Variants in XCR1 observed in about 807,000 individuals in gnomAD.
The protein encoded by XCR1 is chemokine XC receptor 1.
For synonymous variants in XCR1, 187 were observed against 188.5 expected, an observed-to-expected ratio of 0.99 and a Z score of 0.06; for missense variants, 356 against 424.2, an observed-to-expected ratio of 0.84 and a Z score of 1.41.
chr3:46,062,833 G>C (rs1195622496), intron 4 of XCR1, among the ~76,000 whole-genome samples: 1 of 152,248 alleles, frequency 6.6e-6, no homozygotes, highest in Non-Finnish European at 1.5e-5. Flanking sequence ...GCCTATCTCT[G>C]GGCTGGGGTG....
chr3:46,077,458 G>A (rs1698281928), intron 1 of XCR1, among the ~76,000 whole-genome samples: 1 of 151,554 alleles, frequency 6.6e-6, no homozygotes, highest in African/African-American at 2.4e-5. Flanking sequence ...ACAAGCTCAG[G>A]GCTCTTACTG....
At chr3:46,075,308 C>CAAAAAAAAAAAAAAAAAAAAAAAAAA (rs56787185) in intron 2 of XCR1, among the ~76,000 whole-genome samples, 9 of 61,672 alleles carry the variant, frequency 1.5e-4, no homozygotes, top group East Asian at 4.3e-4. Context: ...GCTCATAGAC[C>CAAAAAAAAAAAAAAAAAAAAAAAAAA]AAAAAAAAAA....
chr3:46,045,264 CA>C (rs144378534), intron 5 of XCR1, among the ~76,000 whole-genome samples: 2 of 149,858 alleles, frequency 1.3e-5, no homozygotes, highest in East Asian at 1.9e-4. Context: ...ACCAAAAATA[CA>C]AAAAAAAATT....
upstream of XCR1, chr3:46,027,620 G>A (rs1708323021): frequency 6.6e-6 from 1 of 152,202 alleles, no homozygotes; most frequent in African/African-American, 2.4e-5. Context: ...AGGCAGTTAG[G>A]GTGGATCCTT....
intron 1 of XCR1, among the ~76,000 whole-genome samples, chr3:46,082,214 A>T (rs1698380471): frequency 6.6e-6 from 1 of 152,150 alleles, no homozygotes; most frequent in South Asian, 2.1e-4. Context: ...TTTTCACCCA[A>T]GATACCAGAC....
intron 4 of XCR1, among the ~76,000 whole-genome samples, chr3:46,058,220 T>G (rs1291841087): frequency 6.6e-6 from 1 of 152,340 alleles, no homozygotes; most frequent in Admixed American, 6.5e-5. Context: ...TTCCTGGATA[T>G]TCCTGATCAA....
intron 5 of XCR1, among the ~76,000 whole-genome samples, chr3:46,043,377 G>T (rs750552703): frequency 1.3e-5 from 2 of 151,408 alleles, no homozygotes; most frequent in Non-Finnish European, 2.9e-5. Context: ...GGAGGCAGAG[G>T]TTGCAGTGAG....
At chr3:46,038,163 G>A (rs56324957) in intron 5 of XCR1, among the ~76,000 whole-genome samples, 6 of 152,016 alleles carry the variant, frequency 3.9e-5, no homozygotes, top group Non-Finnish European at 7.4e-5. Flanking sequence ...AAGTAGCTGA[G>A]ATTACAGGCA....
At chr3:46,041,135 G>A (rs1030235253) in intron 5 of XCR1, among the ~76,000 whole-genome samples, 1 of 152,102 alleles carries the variant, frequency 6.6e-6, no homozygotes, top group African/African-American at 2.4e-5. Flanking sequence ...AATTTCTCCA[G>A]AATTTGTAAA....
In XCR1 at chr3:46,025,242, T is replaced by A. The variant is rs146414313; in HGVS notation, c.-32+2175A>T. 7.8e-3 allele frequency among the ~76,000 whole-genome samples: 1,184 copies of A among 151,614 alleles called. 15 individuals carry two copies. Among genetic ancestry groups the A allele is most frequent in the African/African-American group, 0.028 (1,135 of 40,892 alleles). On this transcript the variant is annotated intron_variant, in intron 1 of 1. Transcript: ENST00000309285. ...AATTGGTTGTTTGACAACATTTTAA[T>A]ACATTGATAAAATCAGCAAGGAGCA...
chr3:46,041,067 A>G (rs1007200069), intron 5 of XCR1, among the ~76,000 whole-genome samples: 2 of 151,978 alleles, frequency 1.3e-5, no homozygotes, highest in Non-Finnish European at 2.9e-5. Context: ...TATGCTTTGT[A>G]TATTGAGCAG....
intron 1 of XCR1, among the ~76,000 whole-genome samples, chr3:46,079,385 C>T (rs1222463049): frequency 6.6e-6 from 1 of 152,124 alleles, no homozygotes; most frequent in East Asian, 1.9e-4. Context: ...CTTCCAATGG[C>T]ACCTAGAGTT....
At chr3:46,036,258 C>T (rs963337901) in intron 5 of XCR1, among the ~76,000 whole-genome samples, 4 of 152,152 alleles carry the variant, frequency 2.6e-5, no homozygotes, top group Admixed American at 2.6e-4. Context: ...TGTTTGGCCC[C>T]AGTGTTCCTT....
intron 3 of XCR1, among the ~76,000 whole-genome samples, chr3:46,071,306 A>G (rs1698160557): frequency 1.3e-5 from 2 of 152,096 alleles, no homozygotes; most frequent in East Asian, 1.9e-4. Flanking sequence ...ATTCCAAAAA[A>G]TCCCAGGCCC....
At chr3:46,075,308 CAAAAAAAAAA>C (rs56787185) in intron 2 of XCR1, among the ~76,000 whole-genome samples, 2 of 61,674 alleles carry the variant, frequency 3.2e-5, no homozygotes, top group African/African-American at 1.4e-4. Flanking sequence ...GCTCATAGAC[CAAAAAAAAAA>C]AAAAAAAAAA....
chr3:46,078,985 C>T (rs965690871), intron 1 of XCR1, among the ~76,000 whole-genome samples: 17 of 152,172 alleles, frequency 1.1e-4, no homozygotes, highest in Non-Finnish European at 2.2e-4. Flanking sequence ...TCTGGTGCCA[C>T]CTGGTGGTTA....
At chr3:46,024,397 A>T (rs1452876147) in intron 1 of XCR1, among the ~76,000 whole-genome samples, 1 of 152,192 alleles carries the variant, frequency 6.6e-6, no homozygotes, top group Non-Finnish European at 1.5e-5. Context: ...CTTGATAAAC[A>T]CTAAACTCAT....
chr3:46,023,116 C>T (rs1038216071), intron 1 of XCR1, among the ~76,000 whole-genome samples: 2 of 152,168 alleles, frequency 1.3e-5, no homozygotes, highest in Non-Finnish European at 1.5e-5. Flanking sequence ...GACGTCATGG[C>T]GCCGTGCGGG....
At chr3:46,056,786 C>T (rs1428819669) in intron 4 of XCR1, among the ~76,000 whole-genome samples, 1 of 152,110 alleles carries the variant, frequency 6.6e-6, no homozygotes, top group Non-Finnish European at 1.5e-5. Context: ...CTGTACCTGG[C>T]TGGCAGCTTC....
Sources: allele counts gnomAD v4.1 joint callset (sites outside exome capture counted in the v4.1 genomes callset), GRCh38; gene constraint gnomAD v4.1.1; transcripts MANE v1.5; gene names NCBI Gene and HGNC (gene_info 2026-07-23, HGNC 2026-07-21).